Variants in CNTNAP5 observed in about 807,000 individuals in gnomAD.
CNTNAP5 encodes the protein contactin associated protein family member 5.
In CNTNAP5, 72 loss-of-function variants were observed where a neutral mutation model predicts 150.2. The ratio of observed to expected loss-of-function variants is 0.48; its 90% CI spans 0.40 to 0.58. CNTNAP5 has a LOEUF of 0.58. Among genes scored for constraint, CNTNAP5 ranks in the 20% least tolerant of loss-of-function variants. The pLI, the probability that CNTNAP5 is intolerant of heterozygous loss-of-function variation, is 0.00. For synonymous variants in CNTNAP5, 672 were observed against 619.8 expected, an observed-to-expected ratio of 1.08 and a Z score of -1.25; for missense variants, 1,636 against 1,626.2, an observed-to-expected ratio of 1.01 and a Z score of -0.10.
chr2:124,282,380 C>A (rs1225010737), intron 3 of CNTNAP5, among the ~76,000 whole-genome samples: 1 of 152,046 alleles, frequency 6.6e-6, no homozygotes, highest in Non-Finnish European at 1.5e-5. Flanking sequence ...AAATGATAAA[C>A]CTACGTGGAT....
intron 13 of CNTNAP5, among the ~76,000 whole-genome samples, chr2:124,712,743 G>A (rs11685911): frequency 0.13 from 19,126 of 146,310 alleles, 1,581 homozygotes; most frequent in Non-Finnish European, 0.2. Flanking sequence ...AGCACTCTCA[G>A]CCTTTTTTTT....
chr2:124,037,022 C>A (rs1003660523), intron 1 of CNTNAP5, among the ~76,000 whole-genome samples: 1 of 152,186 alleles, frequency 6.6e-6, no homozygotes, highest in African/African-American at 2.4e-5. Context: ...GGTGAGAAAA[C>A]CCTCATGTGT....
intron 1 of CNTNAP5, among the ~76,000 whole-genome samples, chr2:124,132,095 T>C (rs773253895): frequency 3.3e-5 from 5 of 152,164 alleles, no homozygotes; most frequent in Non-Finnish European, 7.3e-5. Flanking sequence ...TGTTCTGCTT[T>C]GGCAGGAAGA....
intron 3 of CNTNAP5, among the ~76,000 whole-genome samples, chr2:124,350,953 C>A (rs1353883299): frequency 2.6e-5 from 4 of 150,954 alleles, no homozygotes; most frequent in African/African-American, 9.8e-5. Context: ...CTGCCCTGCA[C>A]ATCATTAGAA....
chr2:124,782,591 C>G (rs145220124), intron 17 of CNTNAP5, among the ~76,000 whole-genome samples: 1 of 151,966 alleles, frequency 6.6e-6, no homozygotes, highest in Non-Finnish European at 1.5e-5. Flanking sequence ...AGTTCAATTG[C>G]TCACATTTTT....
intron 12 of CNTNAP5, among the ~76,000 whole-genome samples, chr2:124,634,509 T>C (rs939529153): frequency 6.6e-6 from 1 of 152,020 alleles, no homozygotes; most frequent in Non-Finnish European, 1.5e-5. Context: ...TGTGTGTGTA[T>C]ACATATATTT....
At chr2:124,718,096 A>C (rs897483768) in intron 13 of CNTNAP5, among the ~76,000 whole-genome samples, 1 of 152,242 alleles carries the variant, frequency 6.6e-6, no homozygotes, top group African/African-American at 2.4e-5. Context: ...TGAGAAGACT[A>C]ACAAATGTAA....
At chr2:124,577,530 C>T (rs1696311064) in intron 11 of CNTNAP5, among the ~76,000 whole-genome samples, 1 of 152,176 alleles carries the variant, frequency 6.6e-6, no homozygotes, top group Non-Finnish European at 1.5e-5. Flanking sequence ...GTTCAACAGT[C>T]AACCAAATAT....
At chr2:124,422,026 C>T (rs1252922417) in intron 4 of CNTNAP5, among the ~76,000 whole-genome samples, 2 of 152,156 alleles carry the variant, frequency 1.3e-5, no homozygotes, top group Non-Finnish European at 2.9e-5. Flanking sequence ...ACCATGAGAC[C>T]AGGCACCTTG....
intron 7 of CNTNAP5, among the ~76,000 whole-genome samples, chr2:124,498,223 CT>C (rs1359643853): frequency 2.0e-5 from 3 of 152,186 alleles, no homozygotes; most frequent in Non-Finnish European, 4.4e-5. Context: ...CGGTTTGCTT[CT>C]GGTTTTCATT....
At chr2:124,291,181 T>C (rs1194302173) in intron 3 of CNTNAP5, among the ~76,000 whole-genome samples, 1 of 152,116 alleles carries the variant, frequency 6.6e-6, no homozygotes, top group Non-Finnish European at 1.5e-5. Flanking sequence ...GTTGAAAAAT[T>C]GGCAAAGAGA....
At chr2:124,711,315 C>A (rs1679803022) in intron 13 of CNTNAP5, among the ~76,000 whole-genome samples, 1 of 151,864 alleles carries the variant, frequency 6.6e-6, no homozygotes, top group Non-Finnish European at 1.5e-5. Flanking sequence ...ATATATATTT[C>A]TCCTATAAAA....
intron 1 of CNTNAP5, among the ~76,000 whole-genome samples, chr2:124,153,483 TC>T (rs1419710627): frequency 1.3e-5 from 2 of 151,716 alleles, no homozygotes; most frequent in Non-Finnish European, 2.9e-5. Context: ...AGGATGGATG[TC>T]CAATATCAAG....
At chr2:124,873,034 A>C (rs904089635) in intron 21 of CNTNAP5, among the ~76,000 whole-genome samples, 29 of 152,104 alleles carry the variant, frequency 1.9e-4, no homozygotes, top group African/African-American at 7.0e-4. Flanking sequence ...AATACTTGAG[A>C]CTGGGTAATT....
intron 3 of CNTNAP5, among the ~76,000 whole-genome samples, chr2:124,380,782 TCTGG>T (rs1690771823): frequency 6.6e-6 from 1 of 152,156 alleles, no homozygotes; most frequent in Admixed American, 6.5e-5. Flanking sequence ...TGTTTTAGAC[TCTGG>T]GGATAGAGCA....
At position 124,474,776 on chromosome 2, in the gene CNTNAP5, GGACCTTTTTAAA is replaced by G; in HGVS notation, c.959_970del (p.Thr320_Lys323del). On this transcript the variant is annotated inframe_deletion, in exon 7 of 24. Transcript: ENST00000682447. ...GGAATTCCAGTACCAGGAAAACCTG[GGACCTTTTTAAA>G]GAAAAACTTCCATGGATGCATCGAA... The G allele has an allele frequency of 6.3e-7, 1 of 1,597,960 alleles. No individual in the cohort carries two copies. The highest frequency in any genetic ancestry group is 8.5e-7 in the Non-Finnish European group (1 of 1,173,478).
chr2:124,827,290 C>A (rs1682616342), intron 19 of CNTNAP5, among the ~76,000 whole-genome samples: 1 of 152,144 alleles, frequency 6.6e-6, no homozygotes, highest in African/African-American at 2.4e-5. Context: ...CATCCTGTGG[C>A]ACACTGTGTG....
chr2:124,563,356 T>G, intron 11 of CNTNAP5, 33 bp downstream of exon 11: 1 of 1,288,820 alleles, frequency 7.8e-7, no homozygotes, highest in Non-Finnish European at 1.1e-6. Context: ...CCTGGTGGCT[T>G]GGACAAAACT....
At chr2:124,726,772 G>A (rs918111134) in intron 13 of CNTNAP5, among the ~76,000 whole-genome samples, 1 of 151,540 alleles carries the variant, frequency 6.6e-6, no homozygotes, top group Non-Finnish European at 1.5e-5. Context: ...TTCCTCCCCT[G>A]TATTCCATAG....
Sources: allele counts gnomAD v4.1 joint callset (sites outside exome capture counted in the v4.1 genomes callset), GRCh38; gene constraint gnomAD v4.1.1; transcripts MANE v1.5; gene names NCBI Gene and HGNC (gene_info 2026-07-23, HGNC 2026-07-21).